Variants in IQCE observed in about 807,000 individuals in gnomAD.
IQCE encodes the protein IQ motif containing E.
In IQCE, 115 loss-of-function variants were observed where a neutral mutation model predicts 96.0. That is an observed-to-expected ratio of 1.20 (90% CI 1.03 to 1.40). The LOEUF (loss-of-function observed/expected upper bound fraction) is 1.40. Ranked by LOEUF, IQCE falls within the 40% of genes most tolerant of loss-of-function variation. The probability of loss-of-function intolerance (pLI) is 0.00; values close to 1 mark genes in which losing one functional copy is unlikely to be tolerated. For missense variants in IQCE, 1,041 were observed against 909.1 expected, an observed-to-expected ratio of 1.15 and a Z score of -1.87; for synonymous variants, 412 against 371.2, an observed-to-expected ratio of 1.11 and a Z score of -1.26.
chr7:2,605,768 C>G (rs1292610637), intron 19 of IQCE, 108 bp from the exon 20 acceptor site: 4 of 1,199,968 alleles, frequency 3.3e-6, no homozygotes, highest in Non-Finnish European at 3.3e-6. Flanking sequence ...GAAAAGGAAA[C>G]TGAGCTCTTC....
chr7:2,601,459 G>A lies in IQCE; in HGVS notation c.1627G>A (p.Asp543Asn), dbSNP rs774476964. The A allele has an allele frequency of 6.3e-7, 1 of 1,582,828 alleles. No homozygotes were observed. Among genetic ancestry groups the A allele is most frequent in the African/African-American group, 1.4e-5 (1 of 73,952 alleles). ...TTTCCAGAAAAAAAAGGCTGTTCTGGATGAGGTAAGCGAGGTTTATTTCTT... is the reference window on the plus strand; with the variant it reads ...TTTCCAGAAAAAAAAGGCTGTTCTGAATGAGGTAAGCGAGGTTTATTTCTT... ...YKHKKKKAVL[D>N]EAAVVLQAAF... The change falls in exon 18 of 22, where the codon GAT (aspartate) becomes AAT (asparagine). Residue 543 changes from aspartate to asparagine, a missense_variant. Asp to Asn is a conservative substitution (Grantham distance 23). Coordinates refer to ENST00000402050, the MANE Select transcript of IQCE (RefSeq NM_152558.5).
Position 2,578,266 on chromosome 7 carries a change from G to T in IQCE, c.490G>T (p.Val164Leu). ...GTCATTGCACGTGCAGAAGAGCGAC[G>T]TGGACCTGATGAGAACGAAGCTCCG... ...KKSLHVQKSD[V>L]DLMRTKLRRL... is the part of the protein sequence containing the mutation. Residue 164 changes from valine (V) to leucine (L), a missense_variant, in exon 7 of 22, where the codon GTG becomes TTG. Transcript: ENST00000402050. 1.9e-6 allele frequency: 3 copies of T among 1,613,918 alleles called. No homozygotes were observed. In the South Asian group the frequency reaches 3.3e-5, roughly 18 times the overall value.
chr7:2,600,910 C>T (rs1340450206), intron 17 of IQCE, among the ~76,000 whole-genome samples: 1 of 152,232 alleles, frequency 6.6e-6, no homozygotes, highest in Admixed American at 6.5e-5. Context: ...GTGTCAGCTG[C>T]AGCCTGAGAA....
chr7:2,585,033 G>C (rs547708022), intron 11 of IQCE, among the ~76,000 whole-genome samples: 1 of 150,204 alleles, frequency 6.7e-6, no homozygotes, highest in Admixed American at 6.7e-5. Flanking sequence ...GCTCCTGCGA[G>C]CTTCTGCTCA....
intron 11 of IQCE, among the ~76,000 whole-genome samples, chr7:2,585,940 A>G (rs141620490): frequency 1.3e-5 from 2 of 152,346 alleles, no homozygotes; most frequent in African/African-American, 2.4e-5. Context: ...TAGTGATGGC[A>G]TGGAAAGTAT....
intron 21 of IQCE, chr7:2,607,641 A>T: frequency 1.1e-6 from 1 of 870,132 alleles, no homozygotes; most frequent in Non-Finnish European, 1.4e-6. Context: ...GTGAGGCCTC[A>T]TCCCTGCTCT....
intron 20 of IQCE, 53 bp downstream of exon 20, chr7:2,606,050 C>G (rs542826460): frequency 6.4e-7 from 1 of 1,555,148 alleles, no homozygotes; most frequent in Non-Finnish European, 8.7e-7. Context: ...AGAGGCTGCC[C>G]ACCGCACTGG....
intron 15 of IQCE, among the ~76,000 whole-genome samples, chr7:2,594,203 T>C (rs114894222): frequency 0.014 from 2,204 of 152,266 alleles, 49 homozygotes; most frequent in African/African-American, 0.05. Context: ...GAGGTTGCAG[T>C]GAGCAGAGAG....
chr7:2,613,815 G>A lies in IQCE; in HGVS notation c.*3653G>A, dbSNP rs1222542085. The A allele has an allele frequency of 6.6e-6, 1 of 152,308 alleles. No homozygotes were observed. The highest frequency in any genetic ancestry group is 1.5e-5 in the Non-Finnish European group (1 of 68,102). 9.4% of individuals were successfully genotyped at this position (152,308 alleles called of 1,614,324 possible). On this transcript the variant is annotated 3_prime_UTR_variant, in exon 22 of 22. Transcript: ENST00000402050. ...GAGAGGGCTTGGGTGGTCCCCACAA[G>A]GCAGAAGAGGTGGAAGGGCCAGAGA...
rs1339165865 is a variant in IQCE at position 2,572,327 on chromosome 7, G to A, written c.394+1G>A. On this transcript the variant is annotated splice_donor_variant, in intron 5 of 21. Coordinates refer to ENST00000402050, the MANE Select transcript of IQCE (RefSeq NM_152558.5). LOFTEE classifies it high-confidence loss of function. ...CATCTCAGGCGCTCTGCCAGCAACGGTGAGCATGCCGATGGTGGCGAGGCT... is the reference window on the plus strand; with the variant it reads ...CATCTCAGGCGCTCTGCCAGCAACGATGAGCATGCCGATGGTGGCGAGGCT... 3.1e-6 allele frequency: 5 copies of A among 1,613,524 alleles called. No homozygotes were observed. The Admixed American group carries it at 6.7e-5, about 22-fold the overall frequency.
intron 11 of IQCE, among the ~76,000 whole-genome samples, chr7:2,585,380 T>A (rs1246905125): frequency 1.3e-5 from 2 of 152,080 alleles, no homozygotes; most frequent in Non-Finnish European, 2.9e-5. Context: ...ATAACCTGGC[T>A]AACATGTGTC....
intron 18 of IQCE, chr7:2,601,902 A>C (rs1445357783): frequency 1.0e-4 from 18 of 177,350 alleles, no homozygotes; most frequent in Non-Finnish European, 1.9e-4. Flanking sequence ...TATAAAATAC[A>C]TGAGAAATAG....
At chr7:2,593,600 G>A (rs1415382103) in intron 15 of IQCE, among the ~76,000 whole-genome samples, 2 of 152,268 alleles carry the variant, frequency 1.3e-5, no homozygotes, top group African/African-American at 2.4e-5. Flanking sequence ...CGGGGACCCT[G>A]GAAAACCTGG....
At chr7:2,609,630 T>A (rs6950588) in intron 21 of IQCE, among the ~76,000 whole-genome samples, 2 of 151,260 alleles carry the variant, frequency 1.3e-5, no homozygotes, top group Non-Finnish European at 3.0e-5. Flanking sequence ...AGTTTGAAGG[T>A]GAGGAGAGTG....
rs555959392 is a variant in IQCE at position 2,596,173 on chromosome 7, C to T, written c.1440+1197C>T. ...GCTCGGGAGGCAGCGGTGGGAAGAT[C>T]GCTCGAGCCCAGGAGGTGGAGGCTG... is the stretch of plus-strand genomic sequence containing the variant. On this transcript the variant is annotated intron_variant, in intron 16 of 21. Transcript: ENST00000402050. 7.9e-5 allele frequency among the ~76,000 whole-genome samples: 12 copies of T among 152,238 alleles called. No individual in the cohort carries two copies. The South Asian group carries it at 1.9e-3, about 24-fold the overall frequency.
At chr7:2,576,250 A>G (rs978688902) in intron 6 of IQCE, among the ~76,000 whole-genome samples, 5 of 152,190 alleles carry the variant, frequency 3.3e-5, no homozygotes, top group Admixed American at 3.3e-4. Flanking sequence ...GGTTAGATGC[A>G]GGCTGAGGCT....
chr7:2,597,274 G>A (rs1784114091), intron 16 of IQCE: 6 of 386,672 alleles, frequency 1.6e-5, no homozygotes, highest in South Asian at 1.2e-4. Context: ...CTGGAGTGTG[G>A]GGCCCAATAC....
chr7:2,578,802 A>G (rs1163166290), intron 8 of IQCE, among the ~76,000 whole-genome samples: 4 of 152,112 alleles, frequency 2.6e-5, no homozygotes, highest in Non-Finnish European at 4.4e-5. Flanking sequence ...AAGCTTAACA[A>G]GCGCTCCCAG....
intron 6 of IQCE, among the ~76,000 whole-genome samples, chr7:2,575,519 C>T (rs1258333689): frequency 2.6e-5 from 4 of 152,382 alleles, no homozygotes; most frequent in South Asian, 2.1e-4. Context: ...CTCTGCCCGA[C>T]CTCCTCTGGA....
Sources: allele counts gnomAD v4.1 joint callset (sites outside exome capture counted in the v4.1 genomes callset), GRCh38; gene constraint gnomAD v4.1.1; transcripts MANE v1.5; gene names NCBI Gene and HGNC (gene_info 2026-07-23, HGNC 2026-07-21).